Variants in PTCHD4 observed in about 807,000 individuals in gnomAD.
PTCHD4 encodes the protein patched domain-containing protein 4.
PTCHD4 carries 33 observed loss-of-function variants against 58.1 expected under a neutral mutation model. That is an observed-to-expected ratio of 0.57 (90% confidence interval 0.43 to 0.76). PTCHD4 has a LOEUF of 0.76. Ranked by LOEUF, PTCHD4 falls within the 30% of genes least tolerant of loss-of-function variation. The probability of loss-of-function intolerance (pLI) is 0.00; values close to 1 mark genes in which losing one functional copy is unlikely to be tolerated. For synonymous variants in PTCHD4, 478 were observed against 409.6 expected (o/e 1.17, Z -2.02); for missense variants, 1,058 against 1,027.1 (o/e 1.03, Z -0.41).
chr6:47,955,405 A>G (rs888135976), intron 4 of PTCHD4, among the ~76,000 whole-genome samples: 1 of 152,204 alleles, frequency 6.6e-6, no homozygotes, highest in African/African-American at 2.4e-5. Context: ...CTGATTTATA[A>G]AAGAGAAATA....
At chr6:47,901,843 T>G (rs558643022) in intron 4 of PTCHD4, 21 of 1,298,292 alleles carry the variant, frequency 1.6e-5, no homozygotes, top group South Asian at 7.5e-5. Flanking sequence ...TGTGATATTT[T>G]TCTCCTCTCC....
chr6:48,078,542 G>A (rs1765101587), intron 1 of PTCHD4, among the ~76,000 whole-genome samples: 1 of 152,158 alleles, frequency 6.6e-6, no homozygotes, highest in South Asian at 2.1e-4. Flanking sequence ...AATTTGGGAA[G>A]AAGTACAACA....
intron 1 of PTCHD4, among the ~76,000 whole-genome samples, chr6:48,070,753 C>T (rs1302196924): frequency 1.3e-5 from 2 of 152,152 alleles, no homozygotes; most frequent in East Asian, 1.9e-4. Context: ...TCTTTCCTCT[C>T]CTTCAGTGGA....
chr6:47,953,867 A>G (rs923957180), intron 4 of PTCHD4, among the ~76,000 whole-genome samples: 1 of 152,176 alleles, frequency 6.6e-6, no homozygotes, highest in African/African-American at 2.4e-5. Context: ...GCTACATCTC[A>G]TAATATCTTC....
At chr6:47,904,313 T>C (rs1764807970) in intron 4 of PTCHD4, among the ~76,000 whole-genome samples, 1 of 152,228 alleles carries the variant, frequency 6.6e-6, no homozygotes. Flanking sequence ...TCTAGGCATT[T>C]AGAGCAGAGG....
At chr6:48,013,189 G>A (rs935940558) in intron 3 of PTCHD4, among the ~76,000 whole-genome samples, 2 of 152,028 alleles carry the variant, frequency 1.3e-5, no homozygotes, top group Non-Finnish European at 2.9e-5. Context: ...ATTCGGCTGT[G>A]AATCAGTCTG....
At position 47,857,110 on chromosome 6, in the gene PTCHD4, A is replaced by C. The variant is rs1387216593; in HGVS notation, c.*21193T>G. Among the ~76,000 whole-genome samples, 2 of 151,980 alleles carry C rather than the reference A, an allele frequency of 1.3e-5. No individual in the cohort carries two copies. The highest frequency in any genetic ancestry group is 2.9e-5 in the Non-Finnish European group (2 of 67,954). On this transcript the variant is annotated 3_prime_UTR_variant, in exon 5 of 5. Coordinates refer to ENST00000339488, the MANE Select transcript of PTCHD4 (RefSeq NM_001384253.1). ...AAATCATATTATATAGTATTGTCCC[A>C]CCTAACAAAAATTACTTATGATCAG...
rs534261244 is a variant in PTCHD4, at chr6:48,107,309, T to C, written c.-970+3740A>G. Among the ~76,000 whole-genome samples the C allele has an allele frequency of 5.7e-3, 868 of 152,190 alleles. 8 individuals are homozygous for C. The highest frequency in any genetic ancestry group is 0.019 in the African/African-American group (788 of 41,526). On this transcript the variant is annotated intron_variant, in intron 1 of 4. Transcript: ENST00000339488. ...AGAAATAATGCTGCATATCTACAAC[T>C]ATCTGATCTTTGACAAACCTGACAA...
chr6:47,970,340 A>T (rs1433980367), intron 4 of PTCHD4, among the ~76,000 whole-genome samples: 1 of 152,234 alleles, frequency 6.6e-6, no homozygotes, highest in Non-Finnish European at 1.5e-5. Context: ...AATAGAAAGC[A>T]GGTGGGAGAG....
At chr6:47,966,288 A>C (rs115315574) in intron 4 of PTCHD4, among the ~76,000 whole-genome samples, 2,598 of 152,350 alleles carry the variant, frequency 0.017, 38 homozygotes, top group South Asian at 0.046. Flanking sequence ...ATATGTTTGC[A>C]CTATACTATA....
chr6:48,024,506 C>T (rs1763174187), intron 3 of PTCHD4, among the ~76,000 whole-genome samples: 3 of 152,098 alleles, frequency 2.0e-5, no homozygotes, highest in Admixed American at 2.0e-4. Context: ...CTTCAAATGA[C>T]CACCTAGACA....
chr6:47,924,474 T>G (rs1309346207), intron 4 of PTCHD4, among the ~76,000 whole-genome samples: 1 of 152,138 alleles, frequency 6.6e-6, no homozygotes, highest in Non-Finnish European at 1.5e-5. Flanking sequence ...GTGAATCCAA[T>G]CTTGTCACTT....
chr6:47,947,928 C>A (rs779563249), intron 4 of PTCHD4, among the ~76,000 whole-genome samples: 2 of 152,154 alleles, frequency 1.3e-5, no homozygotes, highest in Non-Finnish European at 2.9e-5. Context: ...CTCACTTTGT[C>A]CTGTATGTCC....
intron 3 of PTCHD4, among the ~76,000 whole-genome samples, chr6:48,010,767 G>A (rs1762637403): frequency 6.6e-6 from 1 of 152,008 alleles, no homozygotes; most frequent in Non-Finnish European, 1.5e-5. Flanking sequence ...CCACCGATAG[G>A]CCCTGGTGTG....
intron 1 of PTCHD4, among the ~76,000 whole-genome samples, chr6:48,105,248 C>CT (rs1345709360): frequency 2.0e-5 from 3 of 152,212 alleles, no homozygotes; most frequent in Non-Finnish European, 4.4e-5. Context: ...TTATGACAAA[C>CT]TGTCTCTCAG....
At chr6:47,971,666 A>T (rs1469029323) in intron 4 of PTCHD4, among the ~76,000 whole-genome samples, 2 of 152,208 alleles carry the variant, frequency 1.3e-5, no homozygotes, top group South Asian at 2.1e-4. Context: ...AGATGCATGG[A>T]TCTTAAAAAT....
At chr6:47,922,188 T>C (rs1461731188) in intron 4 of PTCHD4, among the ~76,000 whole-genome samples, 1 of 152,158 alleles carries the variant, frequency 6.6e-6, no homozygotes, top group African/African-American at 2.4e-5. Flanking sequence ...ATAGCCAAGC[T>C]TAATTTTAAC....
chr6:48,041,027 G>C (rs1476077563), intron 3 of PTCHD4, among the ~76,000 whole-genome samples: 1 of 151,942 alleles, frequency 6.6e-6, no homozygotes, highest in Non-Finnish European at 1.5e-5. Flanking sequence ...GTTCCATTTT[G>C]AATATCATGT....
At position 47,863,252 on chromosome 6, in the gene PTCHD4, A is replaced by T. The variant is rs1763475941; in HGVS notation, c.*15051T>A. Among the ~76,000 whole-genome samples, 1 of 151,906 alleles carries T rather than the reference A, an allele frequency of 6.6e-6. No individual in the cohort carries two copies. The highest frequency in any genetic ancestry group is 1.5e-5 in the Non-Finnish European group (1 of 67,886). ...GGAAAAGAATGCAAAAATATCATAC[A>T]TTTGAAAATTTTATATAAACATAAG... On this transcript the variant is annotated 3_prime_UTR_variant, in exon 5 of 5. Transcript: ENST00000339488.
Sources: allele counts gnomAD v4.1 joint callset (sites outside exome capture counted in the v4.1 genomes callset), GRCh38; gene constraint gnomAD v4.1.1; transcripts MANE v1.5; gene names NCBI Gene and HGNC (gene_info 2026-07-23, HGNC 2026-07-21).